ANK1: variants seen among roughly 807,000 people sequenced by gnomAD.
ANK1 encodes ankyrin-1.
A neutral mutation model predicts 210.4 loss-of-function variants in ANK1; 51 were observed. The observed-to-expected ratio is 0.24, with a 90% CI of 0.19 to 0.31. ANK1 has a LOEUF of 0.31. ANK1 is among the 10% of genes least tolerant of loss of function. ANK1 has a pLI of 1.00. For synonymous variants in ANK1, 967 were observed against 1,025.9 expected (o/e 0.94, Z 1.10); for missense variants, 2,051 against 2,504.4 (o/e 0.82, Z 3.86).
At position 41,696,481 on chromosome 8, in the gene ANK1, G is replaced by A. The variant is rs749623248; in HGVS notation, c.2842C>T (p.Arg948Cys). Residue 948 changes from arginine to cysteine, a missense_variant, in exon 26 of 43, where the codon CGC becomes TGC. Coordinates refer to ENST00000289734, the MANE Select transcript of ANK1 (RefSeq NM_000037.4). ...IPPRTCAAPT[R>C]ITCRLVKPQK... ...GGCTTGACCAGGCGGCAGGTGATGC[G>A]GGTGGGCGCTGCGCACGTCCGTGGC... 3.0e-5 allele frequency: 49 copies of A among 1,613,306 alleles called. No homozygotes were observed. Among genetic ancestry groups the A allele is most frequent in the Non-Finnish European group, 3.6e-5 (42 of 1,179,980 alleles).
At chr8:41,803,060 A>AAAGAAAGAAAGAGAGAAAGGAAGG (rs1850295339) in intron 1 of ANK1, among the ~76,000 whole-genome samples, 1 of 59,038 alleles carries the variant, frequency 1.7e-5, no homozygotes, top group African/African-American at 8.1e-5. Flanking sequence ...AGAAAGAGAG[A>AAAGAAAGAAAGAGAGAAAGGAAGG]AAGGAAGGAA....
intron 1 of ANK1, among the ~76,000 whole-genome samples, chr8:41,879,403 G>C (rs981454419): frequency 6.6e-6 from 1 of 152,126 alleles, no homozygotes; most frequent in Admixed American, 6.6e-5. Context: ...TGGATTTCTC[G>C]AGAACATTGA....
At chr8:41,798,370 G>T (rs547247830), upstream of ANK1, among the ~76,000 whole-genome samples, 63 of 152,288 alleles carry the variant, frequency 4.1e-4, no homozygotes, top group African/African-American at 1.4e-3. Flanking sequence ...CAACGTTCCT[G>T]GGAACCGAGG....
chr8:41,796,061 A>G (rs750454603), intron 1 of ANK1, among the ~76,000 whole-genome samples: 3 of 152,220 alleles, frequency 2.0e-5, no homozygotes, highest in Non-Finnish European at 2.9e-5. Flanking sequence ...ATAACAGAGA[A>G]GAAACTAATT....
In ANK1 at chr8:41,684,587, C is replaced by T. The variant is rs768949871; in HGVS notation, c.4494G>A (p.Arg1498=). 1 of 1,613,770 alleles carries T rather than the reference C, an allele frequency of 6.2e-7. No individual in the cohort carries two copies. Among genetic ancestry groups the T allele is most frequent in the Non-Finnish European group, 8.5e-7 (1 of 1,180,038 alleles). The change falls in exon 37 of 43, where the codon CGG becomes CGA. Residue 1498 remains arginine, a synonymous_variant. Coordinates refer to ENST00000289734, the MANE Select transcript of ANK1 (RefSeq NM_000037.4). ...RQSRNLKPDR[R]HTDRDYSLSP... ...ACAGCGAGTAGTCGCGGTCGGTGTG[C>T]CGCCTGTCTGGCTTCAAGTTGCGGC...
chr8:41,882,707 C>T (rs1817790660), intron 1 of ANK1, among the ~76,000 whole-genome samples: 1 of 152,242 alleles, frequency 6.6e-6, no homozygotes, highest in Admixed American at 6.5e-5. Context: ...TGGTTTCATG[C>T]ACCCCACAGA....
intron 10 of ANK1, among the ~76,000 whole-genome samples, chr8:41,718,750 C>T (rs1465637348): frequency 6.6e-6 from 1 of 152,118 alleles, no homozygotes; most frequent in Non-Finnish European, 1.5e-5. Flanking sequence ...ATCGTTTGCA[C>T]CTCACCCCCA....
At chr8:41,773,771 C>T (rs1214749501) in intron 1 of ANK1, among the ~76,000 whole-genome samples, 2 of 152,158 alleles carry the variant, frequency 1.3e-5, no homozygotes, top group Admixed American at 6.5e-5. Flanking sequence ...GAATCTACAA[C>T]AGGAAGATCC....
intron 1 of ANK1, among the ~76,000 whole-genome samples, chr8:41,783,382 CT>C (rs967714760): frequency 6.6e-6 from 1 of 152,194 alleles, no homozygotes; most frequent in Non-Finnish European, 1.5e-5. Context: ...CTACCCCACC[CT>C]TTCCCGGGTC....
chr8:41,856,122 C>T lies in ANK1; in HGVS notation c.126+40233G>A, dbSNP rs558025711. 3.9e-5 allele frequency among the ~76,000 whole-genome samples: 6 copies of T among 152,344 alleles called. No homozygotes were observed. In the East Asian group the frequency reaches 1.2e-3, roughly 29 times the overall value. ...TGGAAGCCCCCAACCTTGCTTGAAT[C>T]TGGACACGTTTGAGAAACTGATGAA... On this transcript the variant is annotated intron_variant, in intron 1 of 42. Coordinates refer to the ANK1 transcript ENST00000265709.
intron 1 of ANK1, among the ~76,000 whole-genome samples, chr8:41,810,896 T>A (rs989003594): frequency 6.6e-6 from 1 of 152,194 alleles, no homozygotes; most frequent in South Asian, 2.1e-4. Flanking sequence ...ATGGATGGCA[T>A]CACAGAGGTG....
At chr8:41,834,860 A>G (rs1235129321) in intron 1 of ANK1, among the ~76,000 whole-genome samples, 1 of 152,206 alleles carries the variant, frequency 6.6e-6, no homozygotes, top group Non-Finnish European at 1.5e-5. Flanking sequence ...TGAGGACAGA[A>G]CTCAGCAAAT....
At chr8:41,689,807 G>A (rs547414779) in intron 33 of ANK1, among the ~76,000 whole-genome samples, 122 of 152,288 alleles carry the variant, frequency 8.0e-4, no homozygotes, top group Non-Finnish European at 1.4e-3. Context: ...ATGAAAAAGC[G>A]GCCTGAGAGA....
chr8:41,672,257 G>A, intron 38 of ANK1, 97 bp downstream of exon 38: 1 of 1,336,078 alleles, frequency 7.5e-7, no homozygotes, highest in Non-Finnish European at 1.0e-6. Context: ...CCAGGGTCAG[G>A]GTTGGCATCG....
At chr8:41,661,724 G>A (rs1283007269) in intron 41 of ANK1, 152 bp downstream of exon 41, 4 of 1,600,058 alleles carry the variant, frequency 2.5e-6, no homozygotes, top group Non-Finnish European at 3.4e-6. Context: ...GTGGAGGGAG[G>A]TGTCATGCAG....
chr8:41,876,244 C>CGGCACCCT (rs528905341), intron 1 of ANK1, among the ~76,000 whole-genome samples: 8 of 152,174 alleles, frequency 5.3e-5, no homozygotes, highest in African/African-American at 1.9e-4. Flanking sequence ...GCTCCAGCCG[C>CGGCACCCT]GGCACCCTGG....
At chr8:41,686,047 A>T in intron 36 of ANK1, 105 bp downstream of exon 36, 1 of 1,554,482 alleles carries the variant, frequency 6.4e-7, no homozygotes, top group Middle Eastern at 1.7e-4. Context: ...AGAGACAGAG[A>T]CAGACTGACT....
chr8:41,726,019 G>T lies in ANK1; in HGVS notation c.427-73C>A, dbSNP rs939627218. On this transcript the variant is annotated intron_variant, in intron 5 of 42. Transcript: ENST00000289734. ...CGCCCTTCACACGGGACACACCCTTGCCCCTCGGGCTTATGCTCCCAGCAG... is the reference window on the plus strand; with the variant it reads ...CGCCCTTCACACGGGACACACCCTTTCCCCTCGGGCTTATGCTCCCAGCAG... The T allele has an allele frequency of 9.8e-6, 15 of 1,533,456 alleles. No homozygotes were observed. The African/African-American group carries it at 2.0e-4, about 21-fold the overall frequency. The allele number at this position is 1,533,456 out of a possible 1,614,324, so 95.0% of individuals were successfully genotyped here.
intron 2 of ANK1, among the ~76,000 whole-genome samples, chr8:41,748,862 C>A (rs533767552): frequency 6.6e-6 from 1 of 152,108 alleles, no homozygotes; most frequent in Non-Finnish European, 1.5e-5. Flanking sequence ...AGTGAAATCC[C>A]GTCTCTGCTA....
Sources: allele counts gnomAD v4.1 joint callset (sites outside exome capture counted in the v4.1 genomes callset), GRCh38; gene constraint gnomAD v4.1.1; transcripts MANE v1.5; gene names NCBI Gene and HGNC (gene_info 2026-07-23, HGNC 2026-07-21).